Variants in LHFPL6 observed in about 807,000 individuals in gnomAD.
LHFPL6 encodes LHFPL tetraspan subfamily member 6 protein.
Under a neutral mutation model 20.6 loss-of-function variants are expected in LHFPL6, and 9 were observed. The observed-to-expected ratio is 0.44, with a 90% CI of 0.26 to 0.76. LHFPL6 has a LOEUF of 0.76. LHFPL6 is among the 30% of genes least tolerant of loss of function. The pLI, the probability that LHFPL6 is intolerant of heterozygous loss-of-function variation, is 0.20. For missense variants in LHFPL6, 218 were observed against 253.5 expected (o/e 0.86, Z 0.95); for synonymous variants, 105 against 98.7 (o/e 1.06, Z -0.38).
At chr13:39,413,697 T>C (rs1423087985) in intron 2 of LHFPL6, among the ~76,000 whole-genome samples, 1 of 151,900 alleles carries the variant, frequency 6.6e-6, no homozygotes, top group East Asian at 1.9e-4. Flanking sequence ...AACTCTAACA[T>C]GCATATTGAC....
intron 2 of LHFPL6, among the ~76,000 whole-genome samples, chr13:39,461,740 A>C (rs1872692466): frequency 6.6e-6 from 1 of 152,198 alleles, no homozygotes; most frequent in Non-Finnish European, 1.5e-5. Context: ...GACAGCTGGG[A>C]AAGTCAAAAT....
intron 2 of LHFPL6, among the ~76,000 whole-genome samples, chr13:39,398,250 T>A (rs958701753): frequency 2.0e-5 from 3 of 152,196 alleles, no homozygotes; most frequent in African/African-American, 7.2e-5. Context: ...AACAAAATTT[T>A]AAAAAATTGT....
intron 2 of LHFPL6, among the ~76,000 whole-genome samples, chr13:39,501,623 T>C (rs1440850286): frequency 6.6e-6 from 1 of 152,102 alleles, no homozygotes; most frequent in Non-Finnish European, 1.5e-5. Flanking sequence ...TGGTTATTTG[T>C]GGCATTTCAC....
In LHFPL6 at chr13:39,343,989, ACAG is replaced by A; in HGVS notation, c.547_549del (p.Leu183del). The A allele has an allele frequency of 6.2e-7, 1 of 1,613,844 alleles. No individual in the cohort carries two copies. On this transcript the variant is annotated inframe_deletion, in exon 4 of 4. Transcript: ENST00000379589. ...CCCGAAAAGCAAGCCAGCCACGTGC[ACAG>A]CAGCATGGCGGCAGTGGCACCTGCT...
intron 3 of LHFPL6, among the ~76,000 whole-genome samples, chr13:39,347,287 C>T (rs578127382): frequency 6.6e-6 from 1 of 152,290 alleles, no homozygotes; most frequent in East Asian, 1.9e-4. Context: ...GTGATTCCTT[C>T]CACCCAGAAA....
At chr13:39,400,741 C>T (rs1470612619) in intron 2 of LHFPL6, among the ~76,000 whole-genome samples, 163 of 122,124 alleles carry the variant, frequency 1.3e-3, no homozygotes, top group African/African-American at 4.7e-3. Context: ...CGAGATCCCG[C>T]CACTGCACTC....
chr13:39,535,162 A>G (rs1156701429), intron 2 of LHFPL6, among the ~76,000 whole-genome samples: 1 of 152,212 alleles, frequency 6.6e-6, no homozygotes, highest in African/African-American at 2.4e-5. Context: ...CATCCATCAT[A>G]TATTGGAGAA....
At position 39,422,602 on chromosome 13, in the gene LHFPL6, AAAG is replaced by A. The variant is rs147955296; in HGVS notation, c.386-44079_386-44077del. ...ACTCCAACTCAAAAAAAAAAAAAAA[AAAG>A]AAGAAGAAGAAGAAGAAAACACAAT... On this transcript the variant is annotated intron_variant, in intron 2 of 3. Coordinates refer to ENST00000379589, the MANE Select transcript of LHFPL6 (RefSeq NM_005780.3). Among the ~76,000 whole-genome samples, 431 of 114,342 alleles carry A rather than the reference AAAG, an allele frequency of 3.8e-3. 5 individuals carry two copies. The highest frequency in any genetic ancestry group is 0.012 in the African/African-American group (407 of 34,050). The allele number at this position is 114,342 out of a possible 152,430, so 75.0% of individuals were successfully genotyped here.
At chr13:39,445,118 C>A (rs1229717633) in intron 2 of LHFPL6, among the ~76,000 whole-genome samples, 1 of 152,218 alleles carries the variant, frequency 6.6e-6, no homozygotes, top group African/African-American at 2.4e-5. Flanking sequence ...TATTACGATG[C>A]AGCAATAAGG....
chr13:39,528,415 A>G (rs1870360065), intron 2 of LHFPL6, among the ~76,000 whole-genome samples: 4 of 152,190 alleles, frequency 2.6e-5, no homozygotes, highest in Admixed American at 2.0e-4. Context: ...CTCCTAGAGA[A>G]TTTAAAAGCA....
intron 2 of LHFPL6, among the ~76,000 whole-genome samples, chr13:39,486,403 C>A (rs1210614357): frequency 6.6e-6 from 1 of 152,074 alleles, no homozygotes. Context: ...TCAGCTAACA[C>A]GGTATTTAAA....
chr13:39,347,481 G>A (rs866185608), intron 3 of LHFPL6, among the ~76,000 whole-genome samples: 1 of 152,164 alleles, frequency 6.6e-6, no homozygotes, highest in Non-Finnish European at 1.5e-5. Flanking sequence ...TGAAATTTTG[G>A]AGAGAACTTC....
At chr13:39,552,025 T>C (rs1213927594) in intron 2 of LHFPL6, among the ~76,000 whole-genome samples, 1 of 152,252 alleles carries the variant, frequency 6.6e-6, no homozygotes, top group Non-Finnish European at 1.5e-5. Context: ...ACTGCTGGCC[T>C]ATTCTTTTTT....
At chr13:39,404,263 T>G (rs1425725758) in intron 2 of LHFPL6, among the ~76,000 whole-genome samples, 3 of 152,198 alleles carry the variant, frequency 2.0e-5, no homozygotes, top group Middle Eastern at 3.2e-3. Flanking sequence ...ATCTAAGTGT[T>G]GTTCATGACC....
At chr13:39,566,543 C>T (rs9603563) in intron 2 of LHFPL6, among the ~76,000 whole-genome samples, 52,992 of 151,244 alleles carry the variant, frequency 0.35, 9,775 homozygotes, top group African/African-American at 0.47. Flanking sequence ...GAGTTTGAGA[C>T]GAGCCTAGGC....
chr13:39,443,944 T>TGTA (rs1277077304), intron 2 of LHFPL6, among the ~76,000 whole-genome samples: 1 of 151,894 alleles, frequency 6.6e-6, no homozygotes, highest in Non-Finnish European at 1.5e-5. Context: ...AGCTATGATG[T>TGTA]TCAGTAGGTT....
intron 2 of LHFPL6, among the ~76,000 whole-genome samples, chr13:39,483,075 T>C (rs1013834714): frequency 6.6e-6 from 1 of 152,236 alleles, no homozygotes; most frequent in Non-Finnish European, 1.5e-5. Flanking sequence ...TATTTCCCAC[T>C]TTGGGAAATT....
intron 2 of LHFPL6, among the ~76,000 whole-genome samples, chr13:39,465,052 T>C (rs909292300): frequency 6.6e-6 from 1 of 152,102 alleles, no homozygotes; most frequent in Non-Finnish European, 1.5e-5. Context: ...GAGACCACAA[T>C]TGATTAACTA....
In LHFPL6 at chr13:39,568,826, G is replaced by A. The variant is rs1181438456; in HGVS notation, c.385+32006C>T. 5.9e-5 allele frequency among the ~76,000 whole-genome samples: 9 copies of A among 152,256 alleles called. No homozygotes were observed. In the East Asian group the frequency reaches 1.5e-3, roughly 26 times the overall value. On this transcript the variant is annotated intron_variant, in intron 2 of 3. Coordinates refer to ENST00000379589, the MANE Select transcript of LHFPL6 (RefSeq NM_005780.3). The stretch of plus-strand genomic sequence containing the variant: ...ACTCTTGCTTTGCTTTCCAGCAGCA[G>A]ACCAGAATTTGAGTTGATCATATCC...
Sources: allele counts gnomAD v4.1 joint callset (sites outside exome capture counted in the v4.1 genomes callset), GRCh38; gene constraint gnomAD v4.1.1; transcripts MANE v1.5; gene names NCBI Gene and HGNC (gene_info 2026-07-23, HGNC 2026-07-21).